The following HTR1F variants were observed in gnomAD, a reference collection of about 807,000 sequenced individuals.
The protein encoded by HTR1F is 5-hydroxytryptamine (serotonin) receptor 1F, G protein-coupled.
Under a neutral mutation model 24.0 loss-of-function variants are expected in HTR1F, and 17 were observed. That is an observed-to-expected ratio of 0.71 (90% CI 0.48 to 1.06). The LOEUF (loss-of-function observed/expected upper bound fraction) is 1.06. Among genes scored for constraint, HTR1F ranks in the 50% least tolerant of loss-of-function variants. The pLI is 0.00. For missense variants in HTR1F, 391 were observed against 427.8 expected, an observed-to-expected ratio of 0.91 and a Z score of 0.76; for synonymous variants, 186 against 156.8, an observed-to-expected ratio of 1.19 and a Z score of -1.39.
intron 2 of HTR1F, among the ~76,000 whole-genome samples, chr3:87,849,098 A>G (rs1436826166): frequency 1.3e-5 from 2 of 151,488 alleles, no homozygotes; most frequent in Non-Finnish European, 2.9e-5. Flanking sequence ...ACAGAATTGG[A>G]AAAAACTACT....
intron 2 of HTR1F, among the ~76,000 whole-genome samples, chr3:87,857,020 A>G (rs7626476): frequency 0.067 from 10,225 of 152,052 alleles, 1,116 homozygotes; most frequent in African/African-American, 0.23. Flanking sequence ...CAGACTTATT[A>G]GTGTTTTCAT....
chr3:87,922,261 A>G (rs1704026588), intron 2 of HTR1F, among the ~76,000 whole-genome samples: 1 of 151,784 alleles, frequency 6.6e-6, no homozygotes, highest in African/African-American at 2.4e-5. Flanking sequence ...TTTCATTTGC[A>G]TTTTCCTGAT....
chr3:87,881,266 C>A (rs1705790726), intron 2 of HTR1F, among the ~76,000 whole-genome samples: 1 of 152,218 alleles, frequency 6.6e-6, no homozygotes, highest in South Asian at 2.1e-4. Context: ...AAACGGCACA[C>A]CAGGAGATTA....
intron 2 of HTR1F, among the ~76,000 whole-genome samples, chr3:87,874,367 A>C (rs1245110293): frequency 1.3e-5 from 2 of 152,182 alleles, no homozygotes; most frequent in Non-Finnish European, 2.9e-5. Flanking sequence ...TGAAAATGAA[A>C]TTAAGAAAAC....
intron 2 of HTR1F, among the ~76,000 whole-genome samples, chr3:87,938,326 G>A (rs1232971955): frequency 6.6e-6 from 1 of 152,124 alleles, no homozygotes; most frequent in Non-Finnish European, 1.5e-5. Flanking sequence ...ACGCTCATGG[G>A]TATAAAAAAT....
At chr3:87,932,038 C>G (rs1366330443) in intron 2 of HTR1F, among the ~76,000 whole-genome samples, 2 of 152,250 alleles carry the variant, frequency 1.3e-5, no homozygotes, top group East Asian at 3.9e-4. Context: ...TGCAGAAGCT[C>G]TCTAGTTTAA....
At chr3:87,873,074 A>G (rs948218911) in intron 2 of HTR1F, among the ~76,000 whole-genome samples, 1 of 149,308 alleles carries the variant, frequency 6.7e-6, no homozygotes, top group Non-Finnish European at 1.5e-5. Flanking sequence ...AATACAATGG[A>G]TGGATACATA....
At chr3:87,809,497 A>G (rs934338214) in intron 1 of HTR1F, among the ~76,000 whole-genome samples, 2 of 152,076 alleles carry the variant, frequency 1.3e-5, no homozygotes. Flanking sequence ...TCTAATTGAC[A>G]AACTTAACTA....
chr3:87,918,789 A>T (rs1469117932), intron 2 of HTR1F, among the ~76,000 whole-genome samples: 1 of 151,994 alleles, frequency 6.6e-6, no homozygotes, highest in African/African-American at 2.4e-5. Flanking sequence ...TGTGAAAATG[A>T]CCATATTGAT....
chr3:87,930,475 T>A lies in HTR1F; in HGVS notation c.-42-60233T>A, dbSNP rs541426880. Reference sequence around the variant, plus strand: ...TATGTTCCTGCAATACCCAGTCTATTGAGAGTTTTTAATGTGAAACGATGT... The same window carrying A: ...TATGTTCCTGCAATACCCAGTCTATAGAGAGTTTTTAATGTGAAACGATGT... On this transcript the variant is annotated intron_variant, in intron 2 of 2. Coordinates refer to ENST00000319595, the MANE Select transcript of HTR1F (RefSeq NM_001322209.2). Among the ~76,000 whole-genome samples, 3 of 152,292 alleles carry A rather than the reference T, an allele frequency of 2.0e-5. No homozygotes were observed. The East Asian group carries it at 5.8e-4, about 29-fold the overall frequency.
At chr3:87,839,742 T>C (rs962648416) in intron 2 of HTR1F, among the ~76,000 whole-genome samples, 1 of 152,124 alleles carries the variant, frequency 6.6e-6, no homozygotes, top group Non-Finnish European at 1.5e-5. Context: ...TAGTAACCAA[T>C]AGGTAGTTTT....
intron 2 of HTR1F, among the ~76,000 whole-genome samples, chr3:87,912,730 C>A (rs1466958165): frequency 2.0e-5 from 3 of 148,624 alleles, no homozygotes; most frequent in Non-Finnish European, 4.4e-5. Context: ...GGTACTAGTA[C>A]AAACACAGAC....
At chr3:87,820,678 T>TA (rs1343891372) in intron 1 of HTR1F, among the ~76,000 whole-genome samples, 1 of 152,144 alleles carries the variant, frequency 6.6e-6, no homozygotes, top group East Asian at 1.9e-4. Context: ...TGAGAGTTGA[T>TA]ATGCTCTCAA....
intron 2 of HTR1F, among the ~76,000 whole-genome samples, chr3:87,889,674 TTTTTTTTTGTTTCC>T (rs1399783996): frequency 6.6e-6 from 1 of 151,208 alleles, no homozygotes; most frequent in African/African-American, 2.4e-5. Context: ...TAAAATTTGA[TTTTTTTTTGTTTCC>T]TTTAAATGAG....
intron 2 of HTR1F, among the ~76,000 whole-genome samples, chr3:87,905,861 T>C (rs1175428785): frequency 6.6e-6 from 1 of 152,082 alleles, no homozygotes; most frequent in Admixed American, 6.6e-5. Context: ...TGAATGAGCA[T>C]TTGGGTGATA....
intron 1 of HTR1F, among the ~76,000 whole-genome samples, chr3:87,817,671 A>C (rs1704275527): frequency 6.6e-6 from 1 of 152,202 alleles, no homozygotes; most frequent in African/African-American, 2.4e-5. Flanking sequence ...GCATAGCTGA[A>C]ATGTGACTTT....
At chr3:87,857,246 T>G (rs771478407) in intron 2 of HTR1F, among the ~76,000 whole-genome samples, 1 of 151,838 alleles carries the variant, frequency 6.6e-6, no homozygotes, top group Non-Finnish European at 1.5e-5. Flanking sequence ...ATTTTCCAAT[T>G]AAGAGAAAAA....
At chr3:87,955,640 T>C (rs1704927346) in intron 2 of HTR1F, among the ~76,000 whole-genome samples, 1 of 151,544 alleles carries the variant, frequency 6.6e-6, no homozygotes, top group African/African-American at 2.4e-5. Context: ...AAAGTAGTTG[T>C]ACCATTTTAT....
At chr3:87,942,451 G>C (rs1170058852) in intron 2 of HTR1F, among the ~76,000 whole-genome samples, 1 of 152,094 alleles carries the variant, frequency 6.6e-6, no homozygotes, top group Non-Finnish European at 1.5e-5. Context: ...TGACGGCATC[G>C]GCTGGCGCTT....
Sources: gnomAD v4.1 joint callset for allele counts (sites outside exome capture counted in the v4.1 genomes callset) on GRCh38, gnomAD v4.1.1 for gene constraint, MANE v1.5 for transcripts, NCBI Gene and HGNC (gene_info 2026-07-23, HGNC 2026-07-21) for gene names.